FRAS1: variants seen among roughly 807,000 people sequenced by gnomAD.
FRAS1 encodes the protein Fraser extracellular matrix complex subunit 1, also known as extracellular matrix organizing protein FRAS1.
In FRAS1, 290 loss-of-function variants were observed where a neutral mutation model predicts 435.2. The ratio of observed to expected loss-of-function variants is 0.67; its 90% CI spans 0.61 to 0.73. FRAS1 has a LOEUF of 0.73. Ranked by LOEUF, FRAS1 falls within the 30% of genes least tolerant of loss-of-function variation. The pLI is 0.00. For synonymous variants in FRAS1, 1,800 were observed against 1,851.0 expected (o/e 0.97, Z 0.71); for missense variants, 4,860 against 5,001.5 (o/e 0.97, Z 0.85).
At chr4:78,119,904 T>C (rs1176944071) in intron 2 of FRAS1, among the ~76,000 whole-genome samples, 1 of 152,172 alleles carries the variant, frequency 6.6e-6, no homozygotes, top group Non-Finnish European at 1.5e-5. Context: ...GTGGTTCAGA[T>C]TGTGCCTTCT....
intron 31 of FRAS1, among the ~76,000 whole-genome samples, chr4:78,411,718 C>CA (rs964206628): frequency 1.3e-5 from 2 of 152,144 alleles, no homozygotes; most frequent in African/African-American, 4.8e-5. Context: ...AATATGACCA[C>CA]ATTTCACTAC....
intron 1 of FRAS1, among the ~76,000 whole-genome samples, chr4:78,064,863 G>C (rs897602816): frequency 6.6e-6 from 1 of 151,568 alleles, no homozygotes; most frequent in Non-Finnish European, 1.5e-5. Flanking sequence ...CAACTGTGTG[G>C]AGCATTGTTA....
At position 78,507,506 on chromosome 4, in the gene FRAS1, A is replaced by G. The variant is rs1354922447; in HGVS notation, c.9402A>G (p.Pro3134=). The G allele has an allele frequency of 1.9e-6, 3 of 1,612,574 alleles. No individual in the cohort carries two copies. Among genetic ancestry groups the G allele is most frequent in the Non-Finnish European group, 1.7e-6 (2 of 1,179,312 alleles). The change falls in exon 62 of 74, where the codon CCA becomes CCG. Residue 3134 remains proline (P), a synonymous_variant. Coordinates refer to ENST00000512123, the MANE Select transcript of FRAS1 (RefSeq NM_025074.7). ...AATCTTTCTCACTAGTCCTTGGCCC[A>G]GATGACCCAGTGGAAGCAGTTCTTG... ...WHESFSLVLG[P]DDPVEAVLGD... is the part of the protein sequence containing the mutation.
At chr4:78,372,124 A>C (rs1314809309) in intron 23 of FRAS1, among the ~76,000 whole-genome samples, 1 of 152,212 alleles carries the variant, frequency 6.6e-6, no homozygotes, top group Admixed American at 6.5e-5. Flanking sequence ...TCTAATGCCT[A>C]AATGAGACCT....
intron 6 of FRAS1, among the ~76,000 whole-genome samples, chr4:78,255,577 T>C (rs908497345): frequency 1.3e-4 from 20 of 152,246 alleles, no homozygotes; most frequent in Non-Finnish European, 2.9e-4. Context: ...ACCAGCCACT[T>C]AGGCTAATTG....
At chr4:78,269,133 C>T (rs939914286) in intron 9 of FRAS1, among the ~76,000 whole-genome samples, 4 of 152,228 alleles carry the variant, frequency 2.6e-5, no homozygotes, top group Middle Eastern at 3.4e-3. Flanking sequence ...TTCTGTTGAC[C>T]TTGTTAAAGC....
In FRAS1 at chr4:78,088,802, G is replaced by A. The variant is rs184063963; in HGVS notation, c.108+22786G>A. Reference sequence around the variant, plus strand: ...CCACAGGTGCTGGAGAGGATGTGGAGAAATAGGGACACTTTTACACTGTTG... The same window carrying A: ...CCACAGGTGCTGGAGAGGATGTGGAAAAATAGGGACACTTTTACACTGTTG... On this transcript the variant is annotated intron_variant, in intron 2 of 73. Transcript: ENST00000512123. Among the ~76,000 whole-genome samples the A allele has an allele frequency of 6.2e-4, 95 of 152,314 alleles. 1 individual carries two copies. In the South Asian group the frequency reaches 9.5e-3, roughly 15 times the overall value.
chr4:78,512,230 T>C (rs926089667), intron 64 of FRAS1, among the ~76,000 whole-genome samples: 5 of 152,230 alleles, frequency 3.3e-5, no homozygotes, highest in Admixed American at 3.3e-4. Context: ...TATTAAACAC[T>C]ATAGTATTTA....
At position 78,474,026 on chromosome 4, in the gene FRAS1, A is replaced by T. The variant is rs546960982; in HGVS notation, c.7682+429A>T. 7.9e-5 allele frequency among the ~76,000 whole-genome samples: 12 copies of T among 152,322 alleles called. No homozygotes were observed. In the East Asian group the frequency reaches 2.3e-3, roughly 29 times the overall value. On this transcript the variant is annotated intron_variant, in intron 53 of 73. Coordinates refer to ENST00000512123, the MANE Select transcript of FRAS1 (RefSeq NM_025074.7). ...TTTAGAAGAGAGTCTAGTAGAACTG[A>T]TAGGAAAAATAAAAATAGGCATTCA...
chr4:78,075,373 G>A (rs769763257), intron 2 of FRAS1, among the ~76,000 whole-genome samples: 1 of 152,152 alleles, frequency 6.6e-6, no homozygotes, highest in Non-Finnish European at 1.5e-5. Flanking sequence ...AACCAGCACA[G>A]GAACTGACCT....
intron 65 of FRAS1, among the ~76,000 whole-genome samples, chr4:78,515,110 CTG>C (rs1721166175): frequency 6.6e-6 from 1 of 150,556 alleles, no homozygotes; most frequent in South Asian, 2.1e-4. Context: ...AAAATTGTGT[CTG>C]TGTTCAGCTC....
At position 78,255,358 on chromosome 4, in the gene FRAS1, C is replaced by T. The variant is rs1368788972; in HGVS notation, c.586C>T (p.Pro196Ser). 1.9e-6 allele frequency: 3 copies of T among 1,592,998 alleles called. No individual in the cohort carries two copies. The part of the protein sequence containing the change: ...VAQCFTAQCQ[P>S]LFCNQDETVV... ...CCAGTGCTTCACAGCTCAGTGTCAGCCTCTATTTTGTAACCAGGTAAGGAA... is the reference window on the plus strand; with the variant it reads ...CCAGTGCTTCACAGCTCAGTGTCAGTCTCTATTTTGTAACCAGGTAAGGAA... Residue 196 changes from proline (P) to serine (S), a missense_variant, in exon 6 of 74, where the codon CCT becomes TCT. Transcript: ENST00000512123.
intron 22 of FRAS1, among the ~76,000 whole-genome samples, chr4:78,368,586 C>A (rs1731373261): frequency 6.6e-6 from 1 of 152,118 alleles, no homozygotes; most frequent in African/African-American, 2.4e-5. Context: ...ACTAACATTA[C>A]AAGGAACAAA....
intron 26 of FRAS1, among the ~76,000 whole-genome samples, chr4:78,378,351 A>G (rs1731865526): frequency 6.6e-6 from 1 of 152,130 alleles, no homozygotes. Context: ...AGTTGATTTC[A>G]CTTTTTGACT....
In FRAS1 at chr4:78,379,922, C is replaced by T. The variant is rs762241712; in HGVS notation, c.3489C>T (p.Asp1163=). 6.2e-7 allele frequency: 1 copy of T among 1,613,894 alleles called. No homozygotes were observed. The highest frequency in any genetic ancestry group is 2.2e-5 in the East Asian group (1 of 44,870). Reference sequence around the variant, plus strand: ...GAAATGGAAAAGAGGTTCAGCTGGACAAGGCTGGCCGTTTTAGCTGGAAAG... The same window carrying T: ...GAAATGGAAAAGAGGTTCAGCTGGATAAGGCTGGCCGTTTTAGCTGGAAAG... The part of the protein sequence containing the change: ...LSRNGKEVQL[D]KAGRFSWKDV... The change falls in exon 27 of 74, where the codon GAC becomes GAT. Residue 1163 remains aspartate (D), a synonymous_variant. Coordinates refer to ENST00000512123, the MANE Select transcript of FRAS1 (RefSeq NM_025074.7).
chr4:78,380,210 A>G (rs1428186328), intron 27 of FRAS1, among the ~76,000 whole-genome samples: 1 of 152,168 alleles, frequency 6.6e-6, no homozygotes, highest in African/African-American at 2.4e-5. Flanking sequence ...TCGTTTTCTC[A>G]CATAATTGTG....
intron 2 of FRAS1, among the ~76,000 whole-genome samples, chr4:78,178,246 A>T (rs1721857569): frequency 6.6e-6 from 1 of 152,152 alleles, no homozygotes; most frequent in Admixed American, 6.5e-5. Flanking sequence ...TTACCCAATG[A>T]TTGGCATTTT....
rs1403499677 is a variant in FRAS1, at chr4:78,372,740, A to G, written c.2892A>G (p.Ala964=). 1 of 1,612,828 alleles carries G rather than the reference A, an allele frequency of 6.2e-7. No individual in the cohort carries two copies. The highest frequency in any genetic ancestry group is 2.2e-5 in the East Asian group (1 of 44,880). The change falls in exon 24 of 74, where the codon GCA becomes GCG. Residue 964 remains alanine, a synonymous_variant. Coordinates refer to ENST00000512123, the MANE Select transcript of FRAS1 (RefSeq NM_025074.7). ...TCKECDWSCS[A]CSGPLKTDCL... ...TAGAGTGTGATTGGAGCTGCAGTGC[A>G]TGCAGTGGGCCCCTGAAAACAGACT...
chr4:78,113,086 T>C (rs1342888615), intron 2 of FRAS1, among the ~76,000 whole-genome samples: 1 of 152,226 alleles, frequency 6.6e-6, no homozygotes, highest in East Asian at 1.9e-4. Context: ...TGTTTGGTTT[T>C]TCATCCTTGC....
Sources: allele counts gnomAD v4.1 joint callset (sites outside exome capture counted in the v4.1 genomes callset), GRCh38; gene constraint gnomAD v4.1.1; transcripts MANE v1.5; gene names NCBI Gene and HGNC (gene_info 2026-07-23, HGNC 2026-07-21).